RUNX1: variants seen among roughly 807,000 people sequenced by gnomAD.
The protein encoded by RUNX1 is RUNX family transcription factor 1.
In RUNX1, 19 loss-of-function variants were observed where a neutral mutation model predicts 42.8. That is an observed-to-expected ratio of 0.44 (90% CI 0.31 to 0.65). The LOEUF is 0.65. Among genes scored for constraint, RUNX1 ranks in the 30% least tolerant of loss-of-function variants. The pLI is 0.07. For synonymous variants in RUNX1, 271 were observed against 289.4 expected, an observed-to-expected ratio of 0.94 and a Z score of 0.64; for missense variants, 528 against 672.0, an observed-to-expected ratio of 0.79 and a Z score of 2.37.
intron 2 of RUNX1, among the ~76,000 whole-genome samples, chr21:34,946,722 G>T (rs761009913): frequency 1.3e-5 from 2 of 152,160 alleles, no homozygotes; most frequent in Non-Finnish European, 2.9e-5. Context: ...CTGGGTCAGG[G>T]CTGTCTGGTG....
At chr21:34,922,008 G>T (rs2058357814) in intron 2 of RUNX1, among the ~76,000 whole-genome samples, 1 of 152,178 alleles carries the variant, frequency 6.6e-6, no homozygotes, top group Admixed American at 6.5e-5. Flanking sequence ...GGCAGGATAG[G>T]ATAATATTAA....
intron 5 of RUNX1, 71 bp from the exon 6 acceptor site, chr21:34,859,649 C>G (rs1201972046): frequency 2.5e-6 from 3 of 1,211,298 alleles, no homozygotes; most frequent in African/African-American, 1.5e-5. Context: ...AATAACCAAT[C>G]ATTAATTTAT....
chr21:34,979,650 T>G (rs1252887498), intron 2 of RUNX1, among the ~76,000 whole-genome samples: 1 of 152,254 alleles, frequency 6.6e-6, no homozygotes, highest in Non-Finnish European at 1.5e-5. Flanking sequence ...AGGTACCTTT[T>G]GCTCAATGTT....
At position 34,884,597 on chromosome 21, in the gene RUNX1, G is replaced by A. The variant is rs553969824; in HGVS notation, c.351+2246C>T. Among the ~76,000 whole-genome samples the A allele has an allele frequency of 9.1e-4, 139 of 152,330 alleles. 2 individuals carry two copies. In the South Asian group the frequency reaches 0.027, roughly 30 times the overall value. ...CCAGGGACACACACTAAATGAGCCC[G>A]GGATGTAGGCAGGTTTTGATGTTTT... is the stretch of plus-strand genomic sequence containing the variant. On this transcript the variant is annotated intron_variant, in intron 4 of 8. Coordinates refer to ENST00000675419, the MANE Select transcript of RUNX1 (RefSeq NM_001754.5).
Position 34,954,628 on chromosome 21 carries a change from C to T in RUNX1, c.59-61665G>A, listed in dbSNP as rs566976905. Among the ~76,000 whole-genome samples, 3 of 152,300 alleles carry T rather than the reference C, an allele frequency of 2.0e-5. No homozygotes were observed. The South Asian group carries it at 6.2e-4, about 32-fold the overall frequency. On this transcript the variant is annotated intron_variant, in intron 2 of 8. Transcript: ENST00000675419. The stretch of plus-strand genomic sequence containing the variant: ...TTAATGGGATGTAAGTGGGAATAAG[C>T]TAACCTCTTCCAGGTTGAGAACTTA...
chr21:35,037,504 G>A (rs1379611732), intron 2 of RUNX1, among the ~76,000 whole-genome samples: 4 of 152,200 alleles, frequency 2.6e-5, no homozygotes, highest in African/African-American at 9.7e-5. Flanking sequence ...GCCTTGGCAA[G>A]CCTTTCGCTC....
At chr21:34,968,772 C>A (rs1019658948) in intron 2 of RUNX1, among the ~76,000 whole-genome samples, 2 of 152,096 alleles carry the variant, frequency 1.3e-5, no homozygotes, top group African/African-American at 4.8e-5. Context: ...CTATGATTCA[C>A]CTGAGGGTAA....
At chr21:35,044,532 C>T (rs542683236) in intron 2 of RUNX1, among the ~76,000 whole-genome samples, 2 of 152,264 alleles carry the variant, frequency 1.3e-5, no homozygotes, top group South Asian at 2.1e-4. Context: ...AACTAAGGCT[C>T]AAGAGAGAAG....
intron 2 of RUNX1, among the ~76,000 whole-genome samples, chr21:35,009,719 G>A (rs1186907029): frequency 6.6e-6 from 1 of 152,030 alleles, no homozygotes; most frequent in Non-Finnish European, 1.5e-5. Context: ...GGGACAACAG[G>A]GACACACCAT....
At chr21:34,911,658 C>T (rs2058273258) in intron 2 of RUNX1, among the ~76,000 whole-genome samples, 1 of 152,162 alleles carries the variant, frequency 6.6e-6, no homozygotes, top group South Asian at 2.1e-4. Context: ...TGTCTCTCCT[C>T]CACCCAAACT....
intron 2 of RUNX1, 77 bp downstream of exon 2, chr21:35,048,765 C>T (rs148501005): frequency 6.5e-6 from 8 of 1,238,416 alleles, no homozygotes; most frequent in African/African-American, 4.4e-5. Context: ...ATCTCTGCAC[C>T]GAGGTGAAAC....
chr21:34,928,679 TAA>T (rs11389057), intron 2 of RUNX1, among the ~76,000 whole-genome samples: 28 of 140,536 alleles, frequency 2.0e-4, no homozygotes, highest in African/African-American at 3.1e-4. Flanking sequence ...GACTCCATCT[TAA>T]AAAAAAAAAA....
intron 2 of RUNX1, among the ~76,000 whole-genome samples, chr21:35,043,939 G>A (rs956268038): frequency 6.6e-6 from 1 of 152,160 alleles, no homozygotes; most frequent in Non-Finnish European, 1.5e-5. Context: ...TCCTTAAGAA[G>A]AGCCTTGGAG....
At chr21:34,971,393 C>G (rs2058762379) in intron 2 of RUNX1, among the ~76,000 whole-genome samples, 1 of 152,108 alleles carries the variant, frequency 6.6e-6, no homozygotes, top group Non-Finnish European at 1.5e-5. Flanking sequence ...AATATTAATT[C>G]TTCCTTATAA....
intron 2 of RUNX1, among the ~76,000 whole-genome samples, chr21:34,936,428 C>T (rs1329607498): frequency 1.3e-5 from 2 of 152,116 alleles, no homozygotes; most frequent in East Asian, 1.9e-4. Context: ...GACTTGCTGG[C>T]GAGAAATCTA....
chr21:34,844,262 C>T (rs1233315207), intron 6 of RUNX1, among the ~76,000 whole-genome samples: 1 of 152,188 alleles, frequency 6.6e-6, no homozygotes, highest in Non-Finnish European at 1.5e-5. Context: ...CACTGACTCA[C>T]AGAACGCTGC....
At chr21:35,033,381 A>C (rs2059286626) in intron 2 of RUNX1, among the ~76,000 whole-genome samples, 1 of 152,256 alleles carries the variant, frequency 6.6e-6, no homozygotes, top group African/African-American at 2.4e-5. Flanking sequence ...ACCAATGAGC[A>C]TCCTAGAAGA....
At chr21:35,030,171 G>A (rs2059263232) in intron 2 of RUNX1, among the ~76,000 whole-genome samples, 1 of 152,096 alleles carries the variant, frequency 6.6e-6, no homozygotes. Flanking sequence ...GTGAAACCAT[G>A]TCTCTACTAA....
At chr21:34,876,223 T>C (rs1026011914) in intron 5 of RUNX1, among the ~76,000 whole-genome samples, 1 of 152,180 alleles carries the variant, frequency 6.6e-6, no homozygotes, top group Non-Finnish European at 1.5e-5. Context: ...CGTGATGATA[T>C]GTGGGCATAC....
Sources: allele counts gnomAD v4.1 joint callset (sites outside exome capture counted in the v4.1 genomes callset), GRCh38; gene constraint gnomAD v4.1.1; transcripts MANE v1.5; gene names NCBI Gene and HGNC (gene_info 2026-07-23, HGNC 2026-07-21).